Variants in LDB2 observed in about 807,000 individuals in gnomAD.
The protein encoded by LDB2 is LIM domain-binding protein 2.
A neutral mutation model predicts 44.3 loss-of-function variants in LDB2; 12 were observed. That is an observed-to-expected ratio of 0.27 (90% confidence interval 0.17 to 0.44). LDB2 has a LOEUF of 0.44. Ranked by LOEUF, LDB2 falls within the 20% of genes least tolerant of loss-of-function variation. The pLI, the probability that LDB2 is intolerant of heterozygous loss-of-function variation, is 1.00. For synonymous variants in LDB2, 164 were observed against 174.8 expected (o/e 0.94, Z 0.49); for missense variants, 344 against 473.5 (o/e 0.73, Z 2.54).
At chr4:16,718,420 G>A (rs1301266024) in intron 2 of LDB2, among the ~76,000 whole-genome samples, 1 of 152,090 alleles carries the variant, frequency 6.6e-6, no homozygotes, top group Non-Finnish European at 1.5e-5. Flanking sequence ...TTCAAGATGA[G>A]ACTGAGTTTG....
chr4:16,821,032 A>G (rs937342558), intron 1 of LDB2, among the ~76,000 whole-genome samples: 8 of 152,170 alleles, frequency 5.3e-5, no homozygotes, highest in African/African-American at 1.9e-4. Context: ...AAATGGATTG[A>G]CCACTCATCA....
At chr4:16,826,049 C>T (rs997417066) in intron 1 of LDB2, among the ~76,000 whole-genome samples, 1 of 151,192 alleles carries the variant, frequency 6.6e-6, no homozygotes, top group African/African-American at 2.4e-5. Flanking sequence ...TAGTTTAGCC[C>T]TAATGTTATA....
intron 3 of LDB2, among the ~76,000 whole-genome samples, chr4:16,593,352 GT>G (rs1263374647): frequency 6.6e-6 from 1 of 152,050 alleles, no homozygotes; most frequent in Non-Finnish European, 1.5e-5. Context: ...TTAGCCCACT[GT>G]TTTGTAGTAA....
chr4:16,508,694 A>G lies in LDB2; in HGVS notation c.740-8T>C, dbSNP rs373134186. The G allele has an allele frequency of 2.0e-4, 316 of 1,612,850 alleles. 2 individuals carry two copies. The South Asian group carries it at 2.5e-3, about 13-fold the overall frequency. ...GTTGCCTTGTGGGTTCTGCTGCAAT[A>G]TGGAAAAGGGAAGAGGGATCAGTTC... On this transcript the variant is annotated splice_polypyrimidine_tract_variant and splice_region_variant and intron_variant, in intron 6 of 7. Transcript: ENST00000304523.
chr4:16,822,727 G>A (rs1782332997), intron 1 of LDB2, among the ~76,000 whole-genome samples: 1 of 151,892 alleles, frequency 6.6e-6, no homozygotes, highest in African/African-American at 2.4e-5. Context: ...TGTTGGCCAG[G>A]CTGGTCTTGA....
In LDB2 at chr4:16,785,274, T is replaced by C. The variant is rs1230622120; in HGVS notation, c.133-26014A>G. Among the ~76,000 whole-genome samples the C allele has an allele frequency of 2.6e-5, 4 of 152,082 alleles. No individual in the cohort carries two copies. In the South Asian group the frequency reaches 8.3e-4, roughly 32 times the overall value. On this transcript the variant is annotated intron_variant, in intron 1 of 7. Coordinates refer to ENST00000304523, the MANE Select transcript of LDB2 (RefSeq NM_001290.5). Reference sequence around the variant, plus strand: ...CAGTTTGGAACACCCCAGGCCACAATTGCATCCTAGCAGAGACTGAAGCAG... The same window carrying C: ...CAGTTTGGAACACCCCAGGCCACAACTGCATCCTAGCAGAGACTGAAGCAG...
chr4:16,863,483 T>G (rs928403937), intron 1 of LDB2, among the ~76,000 whole-genome samples: 4 of 152,172 alleles, frequency 2.6e-5, no homozygotes, highest in African/African-American at 7.2e-5. Flanking sequence ...GAAACACTAT[T>G]TGTAAGAGCT....
At chr4:16,741,758 T>C (rs758213964) in intron 2 of LDB2, among the ~76,000 whole-genome samples, 44 of 152,332 alleles carry the variant, frequency 2.9e-4, no homozygotes, top group Middle Eastern at 3.4e-3. Context: ...CCTGGAGAGA[T>C]TGGTTAAAGC....
intron 1 of LDB2, among the ~76,000 whole-genome samples, chr4:16,814,866 T>TG (rs1311289416): frequency 4.3e-4 from 65 of 152,212 alleles, no homozygotes; most frequent in African/African-American, 1.4e-3. Context: ...GTCCTGAAAA[T>TG]AGAGTGAGAT....
At chr4:16,588,919 C>A in intron 3 of LDB2, 87 bp from the exon 4 acceptor site, 1 of 1,414,338 alleles carries the variant, frequency 7.1e-7, no homozygotes, top group Non-Finnish European at 9.9e-7. Context: ...GCGTGGTCTC[C>A]CTTTCTGTCC....
chr4:16,549,847 G>C (rs1230482343), intron 5 of LDB2, among the ~76,000 whole-genome samples: 1 of 152,018 alleles, frequency 6.6e-6, no homozygotes, highest in Non-Finnish European at 1.5e-5. Flanking sequence ...TTTGCTAAAG[G>C]GCAGCAAAAA....
chr4:16,595,935 C>A, intron 2 of LDB2, 60 bp from the exon 3 acceptor site: 1 of 1,515,066 alleles, frequency 6.6e-7, no homozygotes, highest in Non-Finnish European at 9.0e-7. Context: ...GCCCCACACA[C>A]CCAACACCAT....
intron 2 of LDB2, among the ~76,000 whole-genome samples, chr4:16,635,717 T>A (rs1733406351): frequency 6.6e-6 from 1 of 152,174 alleles, no homozygotes; most frequent in African/African-American, 2.4e-5. Flanking sequence ...TCTCTTTTTG[T>A]TACACCATCA....
At chr4:16,748,562 A>G (rs543278973) in intron 2 of LDB2, among the ~76,000 whole-genome samples, 2 of 152,318 alleles carry the variant, frequency 1.3e-5, no homozygotes, top group South Asian at 4.1e-4. Flanking sequence ...CCTGACTTCA[A>G]CAAATGCTTT....
At chr4:16,814,744 G>T (rs889630779) in intron 1 of LDB2, among the ~76,000 whole-genome samples, 1 of 152,196 alleles carries the variant, frequency 6.6e-6, no homozygotes, top group East Asian at 1.9e-4. Flanking sequence ...GCACCTAAGA[G>T]AGTTTTTAAA....
intron 2 of LDB2, among the ~76,000 whole-genome samples, chr4:16,681,028 C>T (rs1246229630): frequency 1.3e-5 from 2 of 152,128 alleles, no homozygotes; most frequent in Non-Finnish European, 2.9e-5. Flanking sequence ...CAATATAATA[C>T]AAATCTAGGT....
chr4:16,778,018 C>T (rs1772331006), intron 1 of LDB2, among the ~76,000 whole-genome samples: 1 of 152,184 alleles, frequency 6.6e-6, no homozygotes, highest in Non-Finnish European at 1.5e-5. Flanking sequence ...CACACCGCTG[C>T]TCCCAGAGCC....
At chr4:16,739,589 A>AATATATATATATATAT (rs1553994411) in intron 2 of LDB2, among the ~76,000 whole-genome samples, 2 of 64,332 alleles carry the variant, frequency 3.1e-5, no homozygotes, top group African/African-American at 1.3e-4. Flanking sequence ...AAAAAAAAAA[A>AATATATATATATATAT]ATATATATAT....
At chr4:16,605,212 T>C (rs1033954331) in intron 2 of LDB2, among the ~76,000 whole-genome samples, 10 of 152,134 alleles carry the variant, frequency 6.6e-5, no homozygotes, top group Non-Finnish European at 1.2e-4. Context: ...ACTTAACAGA[T>C]GTGGGAAAAA....
Sources: gnomAD v4.1 joint callset for allele counts (sites outside exome capture counted in the v4.1 genomes callset) on GRCh38, gnomAD v4.1.1 for gene constraint, MANE v1.5 for transcripts, NCBI Gene and HGNC (gene_info 2026-07-23, HGNC 2026-07-21) for gene names.